MYOF: variants seen among roughly 807,000 people sequenced by gnomAD.
MYOF encodes myoferlin.
In MYOF, 244 loss-of-function variants were observed where a neutral mutation model predicts 284.2. The ratio of observed to expected loss-of-function variants is 0.86; its 90% CI spans 0.77 to 0.95. The LOEUF (loss-of-function observed/expected upper bound fraction) is 0.95. Among genes scored for constraint, MYOF ranks in the 40% least tolerant of loss-of-function variants. MYOF has a pLI of 0.00. For missense variants in MYOF, 2,496 were observed against 2,560.6 expected, an observed-to-expected ratio of 0.97 and a Z score of 0.54; for synonymous variants, 904 against 919.7, an observed-to-expected ratio of 0.98 and a Z score of 0.31.
chr10:93,405,590 G>A (rs894767200), intron 7 of MYOF, among the ~76,000 whole-genome samples: 3 of 152,102 alleles, frequency 2.0e-5, no homozygotes, highest in Non-Finnish European at 4.4e-5. Context: ...CACCATGCCC[G>A]TTGTTTTGTA....
Position 93,401,532 on chromosome 10 carries a change from C to G in MYOF, c.1003G>C (p.Asp335His). The G allele has an allele frequency of 6.2e-7, 1 of 1,614,050 alleles. No homozygotes were observed. The highest frequency in any genetic ancestry group is 8.5e-7 in the Non-Finnish European group (1 of 1,179,976). ...TGDEPPPERRDRDNDSDDVES... is the reference protein window; with the variant it reads ...TGDEPPPERRHRDNDSDDVES... ...ACATCATCACTGTCATTATCACGATCTCGTCTCTCAGGCTATTAGGGGCAC... is the reference window on the plus strand; with the variant it reads ...ACATCATCACTGTCATTATCACGATGTCGTCTCTCAGGCTATTAGGGGCAC... The change falls in exon 12 of 54, where the codon GAT (aspartate) becomes CAT (histidine). Residue 335 changes from aspartate to histidine, a missense_variant. This residue lies in a region of MYOF where 2,436 missense variants were observed against 2,480.7 expected (regional missense o/e 0.98). Coordinates refer to ENST00000359263, the MANE Select transcript of MYOF (RefSeq NM_013451.4).
intron 41 of MYOF, among the ~76,000 whole-genome samples, chr10:93,334,432 T>C (rs1843502233): frequency 6.6e-6 from 1 of 151,778 alleles, no homozygotes; most frequent in Non-Finnish European, 1.5e-5. Flanking sequence ...TCCAACCCCA[T>C]ACTCACCCCT....
intron 13 of MYOF, 79 bp downstream of exon 13, chr10:93,399,313 C>T: frequency 9.1e-7 from 1 of 1,094,838 alleles, no homozygotes; most frequent in South Asian, 1.5e-5. Context: ...AAAGAGTAAG[C>T]AGGAATTCAC....
chr10:93,320,099 G>C (rs1372946932), intron 48 of MYOF, 86 bp from the exon 49 acceptor site: 9 of 1,490,964 alleles, frequency 6.0e-6, no homozygotes, highest in Non-Finnish European at 6.5e-6. Context: ...GGGGAGCAAA[G>C]AGCAGGAGAA....
intron 16 of MYOF, among the ~76,000 whole-genome samples, chr10:93,394,443 C>CTT (rs1193314228): frequency 1.7e-5 from 1 of 58,860 alleles, no homozygotes; most frequent in Non-Finnish European, 3.7e-5. Flanking sequence ...TGGTCACCAT[C>CTT]TTGTCTTTTT....
At chr10:93,466,969 C>A (rs752552107) in intron 1 of MYOF, among the ~76,000 whole-genome samples, 1 of 151,820 alleles carries the variant, frequency 6.6e-6, no homozygotes, top group African/African-American at 2.4e-5. Context: ...CAGAGCAAGA[C>A]CCTATCTCAA....
intron 2 of MYOF, among the ~76,000 whole-genome samples, chr10:93,454,178 A>T (rs978625621): frequency 6.6e-6 from 1 of 152,136 alleles, no homozygotes. Context: ...GCAAAACTCC[A>T]TCTTAAAAGA....
At chr10:93,385,369 C>G (rs1178220350) in intron 19 of MYOF, among the ~76,000 whole-genome samples, 1 of 152,218 alleles carries the variant, frequency 6.6e-6, no homozygotes, top group Non-Finnish European at 1.5e-5. Context: ...GGAGCAATAG[C>G]TCAGCTCTGC....
At chr10:93,476,783 T>G (rs555011493) in intron 1 of MYOF, among the ~76,000 whole-genome samples, 1 of 152,180 alleles carries the variant, frequency 6.6e-6, no homozygotes, top group African/African-American at 2.4e-5. Context: ...AGGGGGGATA[T>G]TCTAGAAATA....
intron 5 of MYOF, among the ~76,000 whole-genome samples, chr10:93,419,551 A>AGCAT (rs977157386): frequency 2.0e-5 from 3 of 152,194 alleles, no homozygotes; most frequent in African/African-American, 7.2e-5. Context: ...CAACCAACCA[A>AGCAT]GCATTTATTA....
intron 3 of MYOF, among the ~76,000 whole-genome samples, chr10:93,432,511 A>G (rs1259873355): frequency 1.3e-5 from 2 of 152,200 alleles, no homozygotes; most frequent in African/African-American, 2.4e-5. Context: ...CTGTAATAGA[A>G]ATGTAAAAGG....
intron 20 of MYOF, among the ~76,000 whole-genome samples, chr10:93,380,968 T>C (rs986672129): frequency 6.6e-6 from 1 of 152,156 alleles, no homozygotes; most frequent in Admixed American, 6.5e-5. Context: ...GGCAAAACCA[T>C]TGTTAAAGCT....
At chr10:93,371,183 C>G (rs977493954) in intron 24 of MYOF, among the ~76,000 whole-genome samples, 3 of 152,080 alleles carry the variant, frequency 2.0e-5, no homozygotes, top group Non-Finnish European at 4.4e-5. Context: ...AAGAGTCATT[C>G]AAAGTCCAAG....
rs373244202 is a variant in MYOF, at chr10:93,328,886, G to T, written c.5008C>A (p.Gln1670Lys). 1 of 1,612,086 alleles carries T rather than the reference G, an allele frequency of 6.2e-7. No individual in the cohort carries two copies. The highest frequency in any genetic ancestry group is 2.2e-5 in the East Asian group (1 of 44,846). ...TGAAGCAGCTGTGTTGGTCTCAGTT[G>T]ATCTCGCCAGGTATTGACTCCAGAA... ...CVSGVNTWRDQLRPTQLLQNV... is the reference protein window; with the variant it reads ...CVSGVNTWRDKLRPTQLLQNV... Residue 1670 changes from glutamine to lysine, a missense_variant, in exon 45 of 54, where the codon CAA becomes AAA. Physicochemically the swap from Gln to Lys is moderately conservative, Grantham distance 53. Coordinates refer to ENST00000359263, the MANE Select transcript of MYOF (RefSeq NM_013451.4).
chr10:93,344,080 A>G, intron 37 of MYOF, 148 bp from the exon 38 acceptor site: 1 of 750,972 alleles, frequency 1.3e-6, no homozygotes, highest in Non-Finnish European at 2.2e-6. Context: ...CAACTCCTGA[A>G]TGTAGAAAAT....
At chr10:93,401,258 A>T (rs998331497) in intron 12 of MYOF, among the ~76,000 whole-genome samples, 160 bp downstream of exon 12, 2 of 152,222 alleles carry the variant, frequency 1.3e-5, no homozygotes, top group African/African-American at 4.8e-5. Context: ...CTGCTCAGGT[A>T]GCTTTCAACT....
chr10:93,364,366 C>T (rs935374297), intron 26 of MYOF, among the ~76,000 whole-genome samples: 4 of 152,236 alleles, frequency 2.6e-5, no homozygotes, highest in African/African-American at 7.2e-5. Flanking sequence ...GTATTGTGGG[C>T]AGCTTCTTAC....
intron 3 of MYOF, among the ~76,000 whole-genome samples, chr10:93,448,577 G>C (rs956754472): frequency 5.9e-5 from 9 of 152,188 alleles, no homozygotes; most frequent in Non-Finnish European, 5.9e-5. Flanking sequence ...TGCTAAAATA[G>C]ATAAGGCATA....
At chr10:93,463,115 G>T (rs989184805) in intron 1 of MYOF, among the ~76,000 whole-genome samples, 1 of 152,142 alleles carries the variant, frequency 6.6e-6, no homozygotes, top group African/African-American at 2.4e-5. Context: ...TTCTGCGGAG[G>T]TCACCACTGC....
Sources: allele counts gnomAD v4.1 joint callset (sites outside exome capture counted in the v4.1 genomes callset), GRCh38; gene constraint gnomAD v4.1.1; regional missense constraint gnomAD v4.1.1; transcripts MANE v1.5; gene names NCBI Gene and HGNC (gene_info 2026-07-23, HGNC 2026-07-21).